The following YWHAE variants were observed in gnomAD, a reference collection of about 807,000 sequenced individuals.
The protein encoded by YWHAE is 14-3-3 protein epsilon.
Under a neutral mutation model 30.1 loss-of-function variants are expected in YWHAE, and 4 were observed. The ratio of observed to expected loss-of-function variants is 0.13; its 90% CI spans 0.07 to 0.30. The LOEUF (loss-of-function observed/expected upper bound fraction) is 0.30, where lower values mean the gene tolerates loss of function less well. YWHAE is among the 10% of genes least tolerant of loss of function. The probability of loss-of-function intolerance (pLI) is 1.00; values close to 1 mark genes in which losing one functional copy is unlikely to be tolerated. For synonymous variants in YWHAE, 118 were observed against 111.8 expected (o/e 1.06, Z -0.35); for missense variants, 121 against 315.9 (o/e 0.38, Z 4.68).
At chr17:1,394,445 A>AAAAAAAAAAAAAAAAAAAAAC (rs1567987797) in intron 1 of YWHAE, among the ~76,000 whole-genome samples, 50 of 142,572 alleles carry the variant, frequency 3.5e-4, no homozygotes, top group African/African-American at 1.3e-3. Context: ...ACAAAAAAAA[A>AAAAAAAAAAAAAAAAAAAAAC]AAAAAAAAAA....
chr17:1,371,019 A>G (rs975317312), intron 1 of YWHAE, among the ~76,000 whole-genome samples: 3 of 152,036 alleles, frequency 2.0e-5, no homozygotes, highest in Non-Finnish European at 2.9e-5. Flanking sequence ...AAATCAAAAA[A>G]CATTGCTCTC....
rs184471710 is a variant in YWHAE at position 1,360,815 on chromosome 17, T to C, written c.578+277A>G. 5.0e-4 allele frequency among the ~76,000 whole-genome samples: 76 copies of C among 152,248 alleles called. 1 individual carries two copies. Among genetic ancestry groups the C allele is most frequent in the African/African-American group, 1.8e-3 (76 of 41,540 alleles). On this transcript the variant is annotated intron_variant, in intron 4 of 5. Coordinates refer to ENST00000264335, the MANE Select transcript of YWHAE (RefSeq NM_006761.5). ...AATATAACAAAAATTAAAATAATTC[T>C]AATTCCTCTCATTTCCTTCCTCTAC...
chr17:1,383,299 G>A, intron 1 of YWHAE, among the ~76,000 whole-genome samples: 1 of 152,032 alleles, frequency 6.6e-6, no homozygotes, highest in South Asian at 2.1e-4. Flanking sequence ...TCCGCGAGCT[G>A]AGATCGCGCG....
chr17:1,397,321 T>G (rs1015734779), intron 1 of YWHAE, among the ~76,000 whole-genome samples: 1 of 152,218 alleles, frequency 6.6e-6, no homozygotes, highest in Non-Finnish European at 1.5e-5. Context: ...TCGAATAGAC[T>G]ACTGGCTTGT....
intron 4 of YWHAE, among the ~76,000 whole-genome samples, chr17:1,358,749 G>C (rs910886356): frequency 2.7e-5 from 4 of 149,372 alleles, no homozygotes; most frequent in Non-Finnish European, 5.9e-5. Flanking sequence ...AGAATCGCTT[G>C]AATCTGGGAG....
intron 1 of YWHAE, among the ~76,000 whole-genome samples, chr17:1,378,879 G>A (rs1200156185): frequency 1.3e-5 from 2 of 151,010 alleles, no homozygotes; most frequent in Non-Finnish European, 1.5e-5. Context: ...CCTGGGAGGC[G>A]AAGGAAGTTG....
intron 1 of YWHAE, among the ~76,000 whole-genome samples, chr17:1,368,438 T>C (rs1240152825): frequency 6.0e-5 from 9 of 150,494 alleles, no homozygotes; most frequent in Admixed American, 1.3e-4. Context: ...GTGGCAGGCA[T>C]CTATAGTGCC....
intron 1 of YWHAE, chr17:1,399,314 G>A (rs543032362): frequency 1.3e-5 from 2 of 152,228 alleles, no homozygotes; most frequent in East Asian, 1.9e-4. Flanking sequence ...CCCAGAAGAC[G>A]ACGAGGAGGA....
Position 1,389,052 on chromosome 17 carries a change from AC to A in YWHAE, c.64+10994del, listed in dbSNP as rs760655662. Among the ~76,000 whole-genome samples, 14 of 151,964 alleles carry A rather than the reference AC, an allele frequency of 9.2e-5. 1 individual carries two copies. In the South Asian group the frequency reaches 2.7e-3, roughly 29 times the overall value. Reference sequence around the variant, plus strand: ...CTTATCATGGCTCACTGCAGCCTCGACCTCCCGGGCTCAAGAAATCTTACCA... The same window carrying A: ...CTTATCATGGCTCACTGCAGCCTCGACTCCCGGGCTCAAGAAATCTTACCA... On this transcript the variant is annotated intron_variant, in intron 1 of 5. Transcript: ENST00000264335.
In YWHAE at chr17:1,383,307, G is replaced by A. The variant is rs62087953; in HGVS notation, c.64+16740C>T. On this transcript the variant is annotated intron_variant, in intron 1 of 5. Coordinates refer to ENST00000264335, the MANE Select transcript of YWHAE (RefSeq NM_006761.5). ...CGAGGTTTCCGCGAGCTGAGATCGC[G>A]CGATTGCACTCCAGCCTGGGCAACA... 3.8e-3 allele frequency among the ~76,000 whole-genome samples: 574 copies of A among 152,098 alleles called. 2 individuals are homozygous for A. Among genetic ancestry groups the A allele is most frequent in the Admixed American group, 7.1e-3 (109 of 15,280 alleles).
At chr17:1,358,766 G>A (rs546746328) in intron 4 of YWHAE, among the ~76,000 whole-genome samples, 20 of 148,632 alleles carry the variant, frequency 1.3e-4, no homozygotes, top group South Asian at 2.1e-4. Context: ...GGAGGTGGAG[G>A]TTGCAGTGAG....
At chr17:1,399,539 A>C in intron 1 of YWHAE, 1 of 173,512 alleles carries the variant, frequency 5.8e-6, no homozygotes, top group Non-Finnish European at 1.2e-5. Flanking sequence ...GCCGCCCCAC[A>C]CGGGGCCTCC....
chr17:1,357,388 G>A (rs2072767757), intron 4 of YWHAE, among the ~76,000 whole-genome samples: 2 of 141,218 alleles, frequency 1.4e-5, no homozygotes, highest in African/African-American at 2.7e-5. Flanking sequence ...GGGGGACATA[G>A]CGAGACTCCG....
intron 1 of YWHAE, 133 bp downstream of exon 1, chr17:1,399,914 T>C (rs1278909184): frequency 9.1e-7 from 1 of 1,101,968 alleles, no homozygotes; most frequent in Non-Finnish European, 1.4e-6. Flanking sequence ...CCCAGGCCAT[T>C]TCCTGCTTCC....
chr17:1,361,063 G>A (rs765105242), intron 4 of YWHAE, 29 bp downstream of exon 4: 2 of 1,602,780 alleles, frequency 1.2e-6, no homozygotes, highest in East Asian at 2.2e-5. Context: ...CTTTCACGCT[G>A]AGCGCTGCTG....
intron 4 of YWHAE, among the ~76,000 whole-genome samples, chr17:1,357,787 T>G (rs1429793378): frequency 6.7e-6 from 1 of 149,214 alleles, no homozygotes; most frequent in Non-Finnish European, 1.5e-5. Flanking sequence ...ATTAGCTGGG[T>G]ATGGTGGCGG....
intron 1 of YWHAE, among the ~76,000 whole-genome samples, chr17:1,369,123 T>C (rs1048398671): frequency 2.0e-5 from 3 of 152,212 alleles, no homozygotes; most frequent in African/African-American, 7.2e-5. Context: ...ACAGACTGTG[T>C]GGTAAAATTA....
At chr17:1,345,735 C>G (rs920268766) in intron 5 of YWHAE, among the ~76,000 whole-genome samples, 1 of 152,148 alleles carries the variant, frequency 6.6e-6, no homozygotes, top group African/African-American at 2.4e-5. Context: ...CGCAGTACAA[C>G]TCAATGTTTT....
At position 1,354,341 on chromosome 17, in the gene YWHAE, T is replaced by C; in HGVS notation, c.585A>G (p.Ala195=). Reference sequence around the variant, plus strand: ...CAATTGCATCATCAAAAGCTGCTTTTGCCAACCTAAAGGTATTTCAATAGA... The same window carrying C: ...CAATTGCATCATCAAAAGCTGCTTTCGCCAACCTAAAGGTATTTCAATAGA... The part of the protein sequence containing the change: ...LNSPDRACRL[A]KAAFDDAIAE... Residue 195 remains alanine (A), a synonymous_variant, in exon 5 of 6, where the codon GCA becomes GCG. Coordinates refer to ENST00000264335, the MANE Select transcript of YWHAE (RefSeq NM_006761.5). The C allele has an allele frequency of 6.2e-7, 1 of 1,613,562 alleles. No homozygotes were observed. Among genetic ancestry groups the C allele is most frequent in the East Asian group, 2.2e-5 (1 of 44,874 alleles).
Sources: gnomAD v4.1 joint callset for allele counts (sites outside exome capture counted in the v4.1 genomes callset) on GRCh38, gnomAD v4.1.1 for gene constraint, MANE v1.5 for transcripts, NCBI Gene and HGNC (gene_info 2026-07-23, HGNC 2026-07-21) for gene names.